CRISPLD2: variants seen among roughly 807,000 people sequenced by gnomAD.
CRISPLD2 encodes the protein cysteine-rich secretory protein LCCL domain-containing 2.
In CRISPLD2, 47 loss-of-function variants were observed where a neutral mutation model predicts 71.1. That is an observed-to-expected ratio of 0.66 (90% CI 0.52 to 0.84). The LOEUF (loss-of-function observed/expected upper bound fraction) is 0.84. Ranked by LOEUF, CRISPLD2 falls within the 40% of genes least tolerant of loss-of-function variation. CRISPLD2 has a pLI of 0.00. For missense variants in CRISPLD2, 830 were observed against 651.1 expected, an observed-to-expected ratio of 1.27 and a Z score of -2.99; for synonymous variants, 317 against 250.1, an observed-to-expected ratio of 1.27 and a Z score of -2.52.
chr16:84,866,131 G>A (rs1274548258), intron 6 of CRISPLD2, among the ~76,000 whole-genome samples: 4 of 152,170 alleles, frequency 2.6e-5, no homozygotes, highest in East Asian at 1.9e-4. Context: ...GCACCGTGAT[G>A]TGTGCATGAT....
intron 1 of CRISPLD2, among the ~76,000 whole-genome samples, chr16:84,823,397 A>G (rs1916274806): frequency 6.6e-6 from 1 of 152,164 alleles, no homozygotes; most frequent in Non-Finnish European, 1.5e-5. Flanking sequence ...GCTGGGTCAT[A>G]TGGTAACTTT....
chr16:84,889,728 G>A (rs1055023379), intron 14 of CRISPLD2, among the ~76,000 whole-genome samples: 5 of 151,388 alleles, frequency 3.3e-5, no homozygotes, highest in African/African-American at 1.2e-4. Context: ...ATTTCTTGGC[G>A]TGCGTCCTTC....
intron 1 of CRISPLD2, among the ~76,000 whole-genome samples, chr16:84,837,650 C>G (rs556221946): frequency 6.6e-6 from 1 of 152,234 alleles, no homozygotes; most frequent in East Asian, 1.9e-4. Context: ...ATCTCCTGAC[C>G]TTGTGATCCG....
chr16:84,871,870 G>GA lies in CRISPLD2; in HGVS notation c.915-543dup, dbSNP rs56328159. 7.0e-3 allele frequency among the ~76,000 whole-genome samples: 695 copies of GA among 99,996 alleles called. 17 individuals carry two copies. The highest frequency in any genetic ancestry group is 0.01 in the Non-Finnish European group (503 of 47,976). The allele number at this position is 99,996 out of a possible 152,430, so 65.6% of individuals were successfully genotyped here. On this transcript the variant is annotated intron_variant, in intron 8 of 14. Coordinates refer to ENST00000262424, the MANE Select transcript of CRISPLD2 (RefSeq NM_031476.4). The stretch of plus-strand genomic sequence containing the variant: ...CCTGGCCTTGTTTTTTTTCAAATGA[G>GA]AAAAAAAAAAAAAAAAAAAAAAAAA...
intron 14 of CRISPLD2, among the ~76,000 whole-genome samples, chr16:84,901,037 A>G (rs1597487883): frequency 1.4e-5 from 2 of 146,470 alleles, no homozygotes; most frequent in African/African-American, 5.3e-5. Context: ...ACACACACAC[A>G]CACACACGCA....
At chr16:84,846,622 G>A (rs954133985) in intron 3 of CRISPLD2, among the ~76,000 whole-genome samples, 2 of 152,172 alleles carry the variant, frequency 1.3e-5, no homozygotes, top group African/African-American at 4.8e-5. Context: ...GGGGTGAACT[G>A]CTCTGTTCAT....
chr16:84,902,624 C>A (rs1360715549), intron 14 of CRISPLD2, among the ~76,000 whole-genome samples: 4 of 151,168 alleles, frequency 2.6e-5, no homozygotes, highest in Non-Finnish European at 4.4e-5. Flanking sequence ...AAAAAAGAAA[C>A]AACAAAATTT....
Position 84,882,022 on chromosome 16 carries a change from T to C in CRISPLD2, c.1305+1438T>C, listed in dbSNP as rs530482920. On this transcript the variant is annotated intron_variant, in intron 13 of 14. Transcript: ENST00000262424. Reference sequence around the variant, plus strand: ...AAGTGATTCAGCTAAAATTGAGTTATAAGAGTTAGAATTTTTATGAAGGAG... The same window carrying C: ...AAGTGATTCAGCTAAAATTGAGTTACAAGAGTTAGAATTTTTATGAAGGAG... 3.9e-5 allele frequency among the ~76,000 whole-genome samples: 6 copies of C among 152,328 alleles called. No homozygotes were observed. In the South Asian group the frequency reaches 8.3e-4, roughly 21 times the overall value.
Position 84,889,338 on chromosome 16 carries a change from C to G in CRISPLD2, c.1414C>G (p.Leu472Val), listed in dbSNP as rs1433275597. The G allele has an allele frequency of 6.2e-7, 1 of 1,613,794 alleles. No homozygotes were observed. Among genetic ancestry groups the G allele is most frequent in the Non-Finnish European group, 8.5e-7 (1 of 1,179,776 alleles). Residue 472 changes from leucine (L) to valine (V), a missense_variant, in exon 14 of 15, where the codon CTC (leucine) becomes GTC (valine). By Grantham distance (32) the Leu-to-Val change is conservative (BLOSUM62 1). Coordinates refer to ENST00000262424, the MANE Select transcript of CRISPLD2 (RefSeq NM_031476.4). ...VDKKKTYVGS[L>V]RNGVQSESLG... is the part of the protein sequence containing the mutation. ...TAAAAAGAAGACCTACGTGGGCTCG[C>G]TCAGGAATGGAGTTCAGTCTGAAAG...
intron 7 of CRISPLD2, among the ~76,000 whole-genome samples, chr16:84,868,027 G>C (rs995789114): frequency 6.6e-6 from 1 of 152,174 alleles, no homozygotes. Context: ...GATGCCCTTG[G>C]CTCTCCCCGT....
At chr16:84,871,857 T>G (rs1478478705) in intron 8 of CRISPLD2, among the ~76,000 whole-genome samples, 1 of 142,258 alleles carries the variant, frequency 7.0e-6, no homozygotes, top group Non-Finnish European at 1.5e-5. Context: ...TGGCCTTGTT[T>G]TTTTTCAAAT....
intron 6 of CRISPLD2, 110 bp from the exon 7 acceptor site, chr16:84,866,786 GT>G: frequency 9.5e-7 from 1 of 1,056,884 alleles, no homozygotes; most frequent in Non-Finnish European, 1.4e-6. Flanking sequence ...ATGATTCTTT[GT>G]AAAACCAAAC....
chr16:84,873,915 A>C lies in CRISPLD2; in HGVS notation c.1113-5A>C, dbSNP rs7194957. The C allele has an allele frequency of 4.1e-3, 6,299 of 1,547,772 alleles. 192 individuals are homozygous for C. In the African/African-American group the frequency reaches 0.08, roughly 20 times the overall value. On this transcript the variant is annotated splice_region_variant and splice_polypyrimidine_tract_variant and intron_variant, in intron 10 of 14. Transcript: ENST00000262424. ...CCCGTTTTTTTTTTTTTTTTTTTTA[A>C]ACAGCAAATACAAACCTTCCAGCTC...
intron 2 of CRISPLD2, chr16:84,842,314 G>A (rs1261646400): frequency 6.6e-5 from 4 of 60,920 alleles, no homozygotes; most frequent in South Asian, 1.2e-3. Flanking sequence ...CTGCCTGCCC[G>A]CCCTCCGTCC....
At chr16:84,849,159 C>T (rs1331739882) in intron 3 of CRISPLD2, 5 of 530,136 alleles carry the variant, frequency 9.4e-6, no homozygotes. Context: ...GGTTATTCCC[C>T]CACCTCGGCC....
intron 7 of CRISPLD2, 125 bp downstream of exon 7, chr16:84,867,165 C>A (rs530671290): frequency 3.4e-5 from 32 of 952,940 alleles, no homozygotes; most frequent in Non-Finnish European, 4.7e-5. Context: ...AAACAGGGTG[C>A]GGCGAAGCTC....
chr16:84,845,409 G>A (rs764622978), intron 2 of CRISPLD2, among the ~76,000 whole-genome samples: 7 of 152,184 alleles, frequency 4.6e-5, no homozygotes, highest in African/African-American at 1.4e-4. Flanking sequence ...TGGGGTCATC[G>A]GGACAGGCTT....
At chr16:84,854,391 C>G (rs1052285046) in intron 5 of CRISPLD2, among the ~76,000 whole-genome samples, 1 of 151,668 alleles carries the variant, frequency 6.6e-6, no homozygotes, top group African/African-American at 2.4e-5. Context: ...AGCTTTTCAG[C>G]GCTAAGGTGT....
intron 13 of CRISPLD2, among the ~76,000 whole-genome samples, chr16:84,888,372 A>G (rs1199287176): frequency 6.6e-6 from 1 of 152,182 alleles, no homozygotes; most frequent in African/African-American, 2.4e-5. Context: ...TGTCCCTACA[A>G]ATAATTTTTA....
Sources: gnomAD v4.1 joint callset for allele counts (sites outside exome capture counted in the v4.1 genomes callset) on GRCh38, gnomAD v4.1.1 for gene constraint, MANE v1.5 for transcripts, NCBI Gene and HGNC (gene_info 2026-07-23, HGNC 2026-07-21) for gene names.